CEACAM1: variants seen among roughly 807,000 people sequenced by gnomAD.
CEACAM1 encodes the protein cell adhesion molecule CEACAM1.
Under a neutral mutation model 49.1 loss-of-function variants are expected in CEACAM1, and 31 were observed. That is an observed-to-expected ratio of 0.63 (90% CI 0.47 to 0.85). The LOEUF is 0.85. CEACAM1 is among the 40% of genes least tolerant of loss of function. The pLI, the probability that CEACAM1 is intolerant of heterozygous loss-of-function variation, is 0.00. For synonymous variants in CEACAM1, 244 were observed against 247.8 expected (o/e 0.98, Z 0.14); for missense variants, 570 against 645.3 (o/e 0.88, Z 1.26).
At chr19:42,511,443 G>C (rs748789873) in intron 7 of CEACAM1, 133 bp downstream of exon 7, 2 of 780,346 alleles carry the variant, frequency 2.6e-6, no homozygotes, top group African/African-American at 3.4e-5. Context: ...TGCCACCTTA[G>C]GGTTGGGAAA....
intron 2 of CEACAM1, among the ~76,000 whole-genome samples, chr19:42,523,214 C>T (rs2041803453): frequency 6.6e-6 from 1 of 152,168 alleles, no homozygotes; most frequent in South Asian, 2.1e-4. Context: ...TGAGGACATC[C>T]TAGAGATGGG....
Position 42,519,123 on chromosome 19 carries a change from G to T in CEACAM1, c.1071C>A (p.Ile357=). The change falls in exon 5 of 9, where the codon ATC becomes ATA. Residue 357 remains isoleucine (I), a synonymous_variant. Transcript: ENST00000161559. The stretch of plus-strand genomic sequence containing the variant: ...GACTCTGGTTTTTGAAGAACCAACG[G>T]ATGGAGATTCCAGTGTCATTTGTGG... ...TCSTNDTGIS[I]RWFFKNQSLP... 6.2e-7 allele frequency: 1 copy of T among 1,614,206 alleles called. No homozygotes were observed. Among genetic ancestry groups the T allele is most frequent in the Middle Eastern group, 1.6e-4 (1 of 6,062 alleles).
Position 42,508,899 on chromosome 19 carries a change from G to A in CEACAM1, c.*210C>T. On this transcript the variant is annotated 3_prime_UTR_variant, in exon 9 of 9. Transcript: ENST00000161559. Reference sequence around the variant, plus strand: ...CAAATTTCAATGACAAGAAGGTTGGGTTTCCTACAGACTCCCAATGTACTT... The same window carrying A: ...CAAATTTCAATGACAAGAAGGTTGGATTTCCTACAGACTCCCAATGTACTT... The A allele has an allele frequency of 2.0e-6, 1 of 511,522 alleles. No individual in the cohort carries two copies. Among genetic ancestry groups the A allele is most frequent in the Non-Finnish European group, 3.4e-6 (1 of 292,282 alleles). The allele number at this position is 511,522 out of a possible 1,614,324, so 31.7% of individuals were successfully genotyped here.
rs1210914507 is a variant in CEACAM1, at chr19:42,519,196, C to G, written c.998G>C (p.Ser333Thr). The change falls in exon 5 of 9, where the codon AGC (serine) becomes ACC (threonine). Residue 333 changes from serine (S) to threonine (T), a missense_variant. Coordinates refer to ENST00000161559, the MANE Select transcript of CEACAM1 (RefSeq NM_001712.5). ...CTTATCTCCTGTGACTGTGGTCTTGCTGGCTTTGATTTGGGGCTTTGCTAC... is the reference window on the plus strand; with the variant it reads ...CTTATCTCCTGTGACTGTGGTCTTGGTGGCTTTGATTTGGGGCTTTGCTAC... The part of the protein sequence containing the change: ...PVVAKPQIKA[S>T]KTTVTGDKDS... 6.2e-7 allele frequency: 1 copy of G among 1,614,094 alleles called. No homozygotes were observed. Among genetic ancestry groups the G allele is most frequent in the Non-Finnish European group, 8.5e-7 (1 of 1,180,018 alleles).
chr19:42,521,838 G>T, intron 3 of CEACAM1, 86 bp downstream of exon 3: 1 of 1,606,102 alleles, frequency 6.2e-7, no homozygotes, highest in Admixed American at 1.7e-5. Context: ...TGCGTCCTTA[G>T]ACCTGAGAGG....
chr19:42,527,188 G>T lies in CEACAM1; in HGVS notation c.277C>A (p.Pro93Thr). The T allele has an allele frequency of 6.2e-7, 1 of 1,614,156 alleles. No individual in the cohort carries two copies. ...AIGTQQATPG[P>T]ANSGRETIYP... is the part of the protein sequence containing the mutation. The stretch of plus-strand genomic sequence containing the variant: ...ATTGTCTCTCGACCGCTGTTTGCGG[G>T]CCCTGGGGTAGCTTGTTGAGTTCCT... Residue 93 changes from proline to threonine, a missense_variant, in exon 2 of 9, where the codon CCC (proline) becomes ACC (threonine). Pro to Thr is a conservative substitution (Grantham distance 38). Coordinates refer to ENST00000161559, the MANE Select transcript of CEACAM1 (RefSeq NM_001712.5).
Position 42,509,141 on chromosome 19 carries a change from C to T in CEACAM1, c.1549G>A (p.Glu517Lys). 1 of 1,614,182 alleles carries T rather than the reference C, an allele frequency of 6.2e-7. No homozygotes were observed. The highest frequency in any genetic ancestry group is 1.1e-5 in the South Asian group (1 of 91,082). ...TTTTTTACTTCTGAATAAATTATTT[C>T]TGTGGCTGTTAGGGATGGGGAGGCT... ...TSASPSLTAT[E>K]IIYSEVKKQ The change falls in exon 9 of 9, where the codon GAA becomes AAA. Residue 517 changes from glutamate to lysine, a missense_variant. Transcript: ENST00000161559.
intron 2 of CEACAM1, 75 bp from the exon 3 acceptor site, chr19:42,522,277 T>C: frequency 6.4e-7 from 1 of 1,562,538 alleles, no homozygotes. Flanking sequence ...CTTTTCTTAT[T>C]TATTTATTTT....
intron 8 of CEACAM1, among the ~76,000 whole-genome samples, chr19:42,510,657 C>T (rs2041434920): frequency 1.3e-5 from 2 of 152,216 alleles, no homozygotes; most frequent in South Asian, 4.1e-4. Flanking sequence ...TGACAAGGGT[C>T]ACAGAGCTAC....
intron 5 of CEACAM1, 102 bp downstream of exon 5, chr19:42,518,846 C>T: frequency 7.6e-7 from 1 of 1,319,680 alleles, no homozygotes; most frequent in Non-Finnish European, 1.1e-6. Flanking sequence ...CTATAATGGT[C>T]TCTTCATTGA....
rs764013884 is a variant in CEACAM1 at position 42,528,481 on chromosome 19, T to A, written c.-107A>T. ...CTCTGCTGTTTTCCACTCTCTGTGC[T>A]GAGCCTCCTCCCTGGGGCCCAGAGC... On this transcript the variant is annotated 5_prime_UTR_variant, in exon 1 of 9. Transcript: ENST00000161559. The A allele has an allele frequency of 9.2e-7, 1 of 1,086,810 alleles. No homozygotes were observed. The allele number at this position is 1,086,810 out of a possible 1,614,324, so 67.3% of individuals were successfully genotyped here. A position where few individuals can be genotyped will look rare whatever the true frequency, so the allele number is the denominator to read the frequency against.
At position 42,509,024 on chromosome 19, in the gene CEACAM1, AC is replaced by A. The variant is rs1327588569; in HGVS notation, c.*84del. 3.2e-6 allele frequency: 5 copies of A among 1,543,558 alleles called. No individual in the cohort carries two copies. Among genetic ancestry groups the A allele is most frequent in the Non-Finnish European group, 4.5e-6 (5 of 1,121,954 alleles). On this transcript the variant is annotated 3_prime_UTR_variant, in exon 9 of 9. Transcript: ENST00000161559. ...AAGTTGTTTCTGTCCCCACCCCTCTACCCCTACAGGGGAAAGGAATCTCCTA... is the reference window on the plus strand; with the variant it reads ...AAGTTGTTTCTGTCCCCACCCCTCTACCCTACAGGGGAAAGGAATCTCCTA...
chr19:42,510,018 T>C (rs962823484), intron 8 of CEACAM1, among the ~76,000 whole-genome samples: 1 of 152,208 alleles, frequency 6.6e-6, no homozygotes, highest in African/African-American at 2.4e-5. Context: ...AGTTCATACA[T>C]TGTGAAAGTA....
chr19:42,521,382 T>G lies in CEACAM1; in HGVS notation c.843A>C (p.Thr281=), dbSNP rs868638243. ...WLINGTFQQS[T]QELFIPNITV... is the part of the protein sequence containing the mutation. ...TGATGTTAGGGATAAAGAGCTCTTGTGTGCTTTGCTGGAATGTTCCATTGA... is the reference window on the plus strand; with the variant it reads ...TGATGTTAGGGATAAAGAGCTCTTGGGTGCTTTGCTGGAATGTTCCATTGA... Residue 281 remains threonine (T), a synonymous_variant, in exon 4 of 9, where the codon ACA becomes ACC. Coordinates refer to ENST00000161559, the MANE Select transcript of CEACAM1 (RefSeq NM_001712.5). 1 of 1,614,242 alleles carries G rather than the reference T, an allele frequency of 6.2e-7. No individual in the cohort carries two copies. Among genetic ancestry groups the G allele is most frequent in the Middle Eastern group, 1.6e-4 (1 of 6,062 alleles).
chr19:42,527,746 T>G (rs1403312312), intron 1 of CEACAM1: 3 of 241,342 alleles, frequency 1.2e-5, no homozygotes, highest in Non-Finnish European at 2.4e-5. Flanking sequence ...CTTTCTGACC[T>G]TTTTCTGCTC....
At chr19:42,527,699 T>C in intron 1 of CEACAM1, 1 of 319,008 alleles carries the variant, frequency 3.1e-6, no homozygotes, top group Non-Finnish European at 5.7e-6. Context: ...TGGGAGATCC[T>C]TTCCCTGACA....
chr19:42,515,077 TG>T, intron 5 of CEACAM1: 1 of 664,276 alleles, frequency 1.5e-6, no homozygotes, highest in Admixed American at 2.3e-5. Context: ...GAGTCCAGCC[TG>T]GGTAACATGG....
intron 8 of CEACAM1, among the ~76,000 whole-genome samples, chr19:42,510,562 T>C (rs1349912994): frequency 2.6e-5 from 4 of 152,222 alleles, no homozygotes; most frequent in African/African-American, 9.6e-5. Flanking sequence ...GGTTATCTCG[T>C]TTAATCCCTT....
intron 1 of CEACAM1, 136 bp downstream of exon 1, chr19:42,528,174 TC>T: frequency 1.5e-6 from 1 of 659,510 alleles, no homozygotes; most frequent in Non-Finnish European, 2.6e-6. Context: ...ATGATCTCTA[TC>T]CCTTTCATGT....
Sources: allele counts gnomAD v4.1 joint callset (sites outside exome capture counted in the v4.1 genomes callset), GRCh38; gene constraint gnomAD v4.1.1; transcripts MANE v1.5; gene names NCBI Gene and HGNC (gene_info 2026-07-23, HGNC 2026-07-21).